EBF2: variants seen among roughly 807,000 people sequenced by gnomAD.
EBF2 encodes the protein EBF transcription factor 2.
Under a neutral mutation model 72.8 loss-of-function variants are expected in EBF2, and 21 were observed. The observed-to-expected ratio is 0.29, with a 90% CI of 0.20 to 0.42. EBF2 has a LOEUF of 0.42. Ranked by LOEUF, EBF2 falls within the 10% of genes least tolerant of loss-of-function variation. The pLI is 1.00. For missense variants in EBF2, 637 were observed against 731.2 expected (o/e 0.87, Z 1.49); for synonymous variants, 299 against 274.2 (o/e 1.09, Z -0.89).
chr8:26,012,197 G>A (rs2117235243), intron 6 of EBF2, among the ~76,000 whole-genome samples: 1 of 152,236 alleles, frequency 6.6e-6, no homozygotes, highest in South Asian at 2.1e-4. Flanking sequence ...TCCAAAGGTG[G>A]GTTGGGGGAG....
At position 26,044,172 on chromosome 8, in the gene EBF2, A is replaced by T. The variant is rs893420779; in HGVS notation, c.131+557T>A. On this transcript the variant is annotated intron_variant, in intron 1 of 15. Coordinates refer to ENST00000520164, the MANE Select transcript of EBF2 (RefSeq NM_022659.4). The surrounding 1 kb of genome is among the most constrained non-coding windows in gnomAD (Gnocchi z 4.1). ...GACCCTCCAGCCTGTCCCCCCTCCC[A>T]GAGCTCCCGGCCGCCTCGTCTTCCC... Among the ~76,000 whole-genome samples, 1 of 152,084 alleles carries T rather than the reference A, an allele frequency of 6.6e-6. No homozygotes were observed. Among genetic ancestry groups the T allele is most frequent in the African/African-American group, 2.4e-5 (1 of 41,406 alleles).
chr8:26,010,132 C>T (rs572951495), intron 6 of EBF2, among the ~76,000 whole-genome samples: 10 of 152,318 alleles, frequency 6.6e-5, no homozygotes, highest in African/African-American at 2.4e-4. Flanking sequence ...GTCCTCCTGT[C>T]TCCTATCTGG....
chr8:25,915,484 G>A (rs1156305919), intron 6 of EBF2, among the ~76,000 whole-genome samples: 2 of 151,916 alleles, frequency 1.3e-5, no homozygotes, highest in Non-Finnish European at 2.9e-5. Flanking sequence ...TAGAAGTTCT[G>A]TGACTATTTT....
At chr8:25,891,918 A>T (rs1304143731) in intron 7 of EBF2, among the ~76,000 whole-genome samples, 1 of 152,158 alleles carries the variant, frequency 6.6e-6, no homozygotes, top group African/African-American at 2.4e-5. Flanking sequence ...GCAGCATTTT[A>T]AAAACCTTTT....
chr8:26,011,504 TAATA>T (rs1490081334), intron 6 of EBF2, among the ~76,000 whole-genome samples: 88 of 151,152 alleles, frequency 5.8e-4, no homozygotes, highest in African/African-American at 2.1e-3. Context: ...AGTTTGCCAA[TAATA>T]AATACTAATG....
At position 25,857,357 on chromosome 8, in the gene EBF2, T is replaced by C. The variant is rs115001972; in HGVS notation, c.1528+962A>G. On this transcript the variant is annotated intron_variant, in intron 14 of 15. Coordinates refer to ENST00000520164, the MANE Select transcript of EBF2 (RefSeq NM_022659.4). ...AGTCCAAAGACTGTGAAAGGCAGCT[T>C]CTGTGACATGTCAATTCTGAAGCTA... Among the ~76,000 whole-genome samples, 1,329 of 152,236 alleles carry C rather than the reference T, an allele frequency of 8.7e-3. 20 individuals carry two copies. Among genetic ancestry groups the C allele is most frequent in the African/African-American group, 0.03 (1,266 of 41,526 alleles).
chr8:26,042,122 GGCCGTCC>G lies in EBF2; in HGVS notation c.254_260del (p.Arg85ProfsTer68). 1 of 1,614,130 alleles carries G rather than the reference GGCCGTCC, an allele frequency of 6.2e-7. No homozygotes were observed. The highest frequency in any genetic ancestry group is 1.1e-5 in the South Asian group (1 of 91,074). On this transcript the variant is annotated frameshift_variant, in exon 2 of 16. Coordinates refer to ENST00000520164, the MANE Select transcript of EBF2 (RefSeq NM_022659.4). LOFTEE classifies it high-confidence loss of function. ...TGTCATTCTCCACAAAGTCCACGAA[GGCCGTCC>G]GCTCGATCTCCACCGGCTGGCCCTG...
At chr8:25,946,010 C>T (rs1803763170) in intron 6 of EBF2, among the ~76,000 whole-genome samples, 2 of 152,138 alleles carry the variant, frequency 1.3e-5, no homozygotes, top group South Asian at 2.1e-4. Context: ...GTCTGCCTGT[C>T]GGAGCAACAG....
chr8:25,980,640 C>T (rs898750338), intron 6 of EBF2, among the ~76,000 whole-genome samples: 3 of 152,070 alleles, frequency 2.0e-5, no homozygotes, highest in African/African-American at 7.2e-5. Context: ...GGGAAGAAAG[C>T]ACTGAAGACT....
At chr8:25,871,858 T>C (rs961210301) in intron 10 of EBF2, among the ~76,000 whole-genome samples, 4 of 152,100 alleles carry the variant, frequency 2.6e-5, no homozygotes, top group African/African-American at 9.7e-5. Flanking sequence ...CTTACATATA[T>C]CTTGGACCCA....
At chr8:25,979,798 C>T (rs1407556805) in intron 6 of EBF2, among the ~76,000 whole-genome samples, 1 of 151,976 alleles carries the variant, frequency 6.6e-6, no homozygotes, top group African/African-American at 2.4e-5. Context: ...AATAAAAACC[C>T]AGCTGAAATC....
At chr8:25,947,748 T>A (rs1395644813) in intron 6 of EBF2, among the ~76,000 whole-genome samples, 1 of 152,210 alleles carries the variant, frequency 6.6e-6, no homozygotes, top group East Asian at 1.9e-4. Context: ...GGGCTGCTGT[T>A]CCTTTCTTCC....
intron 6 of EBF2, among the ~76,000 whole-genome samples, chr8:25,921,432 G>C (rs938142276): frequency 6.6e-6 from 1 of 152,102 alleles, no homozygotes; most frequent in African/African-American, 2.4e-5. Context: ...TAATATTCCC[G>C]AGTGTAGTCA....
At chr8:25,850,967 T>C (rs1036235524) in intron 14 of EBF2, among the ~76,000 whole-genome samples, 2 of 151,830 alleles carry the variant, frequency 1.3e-5, no homozygotes, top group African/African-American at 4.8e-5. Context: ...GTAATGACGC[T>C]ATTAGAGGAA....
At chr8:25,872,107 G>T (rs762553454) in intron 10 of EBF2, among the ~76,000 whole-genome samples, 2 of 152,126 alleles carry the variant, frequency 1.3e-5, no homozygotes, top group African/African-American at 2.4e-5. Context: ...TTCTACTTCT[G>T]TTTCACAAAA....
chr8:25,945,095 C>CG (rs1467692209), intron 6 of EBF2, among the ~76,000 whole-genome samples: 2 of 145,004 alleles, frequency 1.4e-5, no homozygotes, highest in African/African-American at 5.1e-5. Flanking sequence ...GTTGCCCCCC[C>CG]CGCCCCACCC....
At chr8:26,040,554 TG>T in intron 4 of EBF2, 61 bp downstream of exon 4, 13 of 1,416,002 alleles carry the variant, frequency 9.2e-6, no homozygotes, top group Non-Finnish European at 1.2e-5. Context: ...AGAAACAAAC[TG>T]GGGGGTTTGG....
rs145017262 is a variant in EBF2, at chr8:25,874,146, A to AT, written c.1010-11350dup. Among the ~76,000 whole-genome samples, 337 of 151,916 alleles carry AT rather than the reference A, an allele frequency of 2.2e-3. 2 individuals carry two copies. The highest frequency in any genetic ancestry group is 7.7e-3 in the African/African-American group (321 of 41,462). ...AATCAGATTCATTTCTTCAATGGGA[A>AT]TTTTTTTTTCCAGGATAACGCTATA... On this transcript the variant is annotated intron_variant, in intron 10 of 15. Coordinates refer to ENST00000520164, the MANE Select transcript of EBF2 (RefSeq NM_022659.4).
At chr8:25,960,264 C>T (rs1393523871) in intron 6 of EBF2, among the ~76,000 whole-genome samples, 2 of 152,196 alleles carry the variant, frequency 1.3e-5, no homozygotes, top group Admixed American at 1.3e-4. Context: ...GTCAGATGGG[C>T]AGTCTATTTC....
Sources: gnomAD v4.1 joint callset for allele counts (sites outside exome capture counted in the v4.1 genomes callset) on GRCh38, gnomAD v4.1.1 for gene constraint, Gnocchi (gnomAD v3.1) non-coding constraint, MANE v1.5 for transcripts, NCBI Gene and HGNC (gene_info 2026-07-23, HGNC 2026-07-21) for gene names.